The following DCC variants were observed in gnomAD, a reference collection of about 807,000 sequenced individuals.
DCC encodes the protein DCC netrin 1 receptor.
A neutral mutation model predicts 172.5 loss-of-function variants in DCC; 58 were observed. The ratio of observed to expected loss-of-function variants is 0.34; its 90% CI spans 0.27 to 0.42. DCC has a LOEUF of 0.42. DCC is among the 10% of genes least tolerant of loss of function. DCC has a pLI of 1.00. For missense variants in DCC, 1,740 were observed against 1,791.0 expected, an observed-to-expected ratio of 0.97 and a Z score of 0.51; for synonymous variants, 709 against 644.5, an observed-to-expected ratio of 1.10 and a Z score of -1.52.
intron 15 of DCC, among the ~76,000 whole-genome samples, chr18:53,382,203 T>G (rs1223204187): frequency 6.6e-6 from 1 of 151,930 alleles, no homozygotes; most frequent in Non-Finnish European, 1.5e-5. Context: ...GTATTCAAAT[T>G]GCGAATGGAA....
chr18:53,041,652 A>AATG (rs2042170558), intron 5 of DCC, among the ~76,000 whole-genome samples: 1 of 151,988 alleles, frequency 6.6e-6, no homozygotes, highest in Non-Finnish European at 1.5e-5. Context: ...ATGAGCATGG[A>AATG]CTATTTTTCC....
At chr18:53,130,953 G>A (rs1052601288) in intron 7 of DCC, among the ~76,000 whole-genome samples, 8 of 152,146 alleles carry the variant, frequency 5.3e-5, no homozygotes, top group South Asian at 2.1e-4. Flanking sequence ...GCTTGAGGGC[G>A]ATCGAATTAG....
intron 10 of DCC, among the ~76,000 whole-genome samples, chr18:53,206,398 CATAT>C: frequency 1.4e-5 from 1 of 69,782 alleles, no homozygotes; most frequent in Non-Finnish European, 2.9e-5. Flanking sequence ...TGTATATATA[CATAT>C]ATGTATTGTA....
chr18:52,617,724 G>T (rs2034409926), intron 1 of DCC, among the ~76,000 whole-genome samples: 1 of 151,652 alleles, frequency 6.6e-6, no homozygotes, highest in African/African-American at 2.4e-5. Flanking sequence ...TATCACTACT[G>T]AAAAATATGA....
At chr18:52,744,474 T>C (rs977930189) in intron 1 of DCC, among the ~76,000 whole-genome samples, 1 of 152,244 alleles carries the variant, frequency 6.6e-6, no homozygotes, top group Non-Finnish European at 1.5e-5. Context: ...CATTTCTGAT[T>C]TGCATTTTTT....
intron 2 of DCC, among the ~76,000 whole-genome samples, chr18:52,814,894 T>TG (rs1410893657): frequency 6.6e-6 from 1 of 152,108 alleles, no homozygotes; most frequent in African/African-American, 2.4e-5. Context: ...ATTAGGACCC[T>TG]GGAATGAGGT....
At chr18:52,712,131 T>C (rs1413661491) in intron 1 of DCC, among the ~76,000 whole-genome samples, 1 of 152,116 alleles carries the variant, frequency 6.6e-6, no homozygotes, top group African/African-American at 2.4e-5. Flanking sequence ...CAGCTAATTA[T>C]TGTATTTTTA....
chr18:53,128,852 CACACACACACACACACACAT>C (rs1189336564), intron 7 of DCC, among the ~76,000 whole-genome samples: 1 of 71,034 alleles, frequency 1.4e-5, no homozygotes, highest in African/African-American at 5.4e-5. Context: ...CACACACACA[CACACACACACACACACACAT>C]ATATATATAT....
At chr18:53,322,023 C>G in intron 13 of DCC, 24 bp from the exon 14 acceptor site, 1 of 1,324,362 alleles carries the variant, frequency 7.6e-7, no homozygotes, top group African/African-American at 1.4e-5. Flanking sequence ...ACTTTCTTCC[C>G]CCCTGTGGAA....
At chr18:52,568,153 T>A (rs2033206075) in intron 1 of DCC, among the ~76,000 whole-genome samples, 1 of 152,174 alleles carries the variant, frequency 6.6e-6, no homozygotes, top group Admixed American at 6.6e-5. Flanking sequence ...TGAGTTTATA[T>A]TTGAAAATAA....
chr18:53,247,251 C>T (rs920779464), intron 12 of DCC, among the ~76,000 whole-genome samples: 4 of 151,906 alleles, frequency 2.6e-5, no homozygotes, highest in Middle Eastern at 3.2e-3. Flanking sequence ...GGCCAAAATA[C>T]GGTGAGATTC....
In DCC at chr18:52,835,801, G is replaced by A. The variant is rs148769158; in HGVS notation, c.413-70243G>A. ...TTATTGACAAAAACTTCTTTGATACGCATTTTATTTTTAAAAAATCTTTTC... is the reference window on the plus strand; with the variant it reads ...TTATTGACAAAAACTTCTTTGATACACATTTTATTTTTAAAAAATCTTTTC... On this transcript the variant is annotated intron_variant, in intron 2 of 28. Coordinates refer to ENST00000442544, the MANE Select transcript of DCC (RefSeq NM_005215.4). 5.7e-4 allele frequency among the ~76,000 whole-genome samples: 87 copies of A among 152,070 alleles called. No homozygotes were observed. In the East Asian group the frequency reaches 7.5e-3, roughly 13 times the overall value.
chr18:53,519,303 C>T (rs1232904874), intron 27 of DCC, among the ~76,000 whole-genome samples: 2 of 152,046 alleles, frequency 1.3e-5, no homozygotes, highest in Non-Finnish European at 2.9e-5. Context: ...TTTATTTGAG[C>T]ACTCATTAAA....
At chr18:52,850,403 G>C (rs1439704009) in intron 2 of DCC, among the ~76,000 whole-genome samples, 1 of 152,076 alleles carries the variant, frequency 6.6e-6, no homozygotes, top group African/African-American at 2.4e-5. Flanking sequence ...TTTTTAACTG[G>C]TGTATTACAG....
At chr18:53,214,585 C>T (rs186312372) in intron 11 of DCC, among the ~76,000 whole-genome samples, 10 of 152,166 alleles carry the variant, frequency 6.6e-5, no homozygotes, top group Admixed American at 5.9e-4. Flanking sequence ...TTGAAAATGC[C>T]TGAGAACTTT....
chr18:53,021,425 A>T (rs1017139249), intron 5 of DCC, among the ~76,000 whole-genome samples: 1 of 152,198 alleles, frequency 6.6e-6, no homozygotes, highest in Non-Finnish European at 1.5e-5. Context: ...GTGTTCTATT[A>T]TGAGTCTGGC....
intron 1 of DCC, among the ~76,000 whole-genome samples, chr18:52,398,282 A>G (rs1474381696): frequency 6.6e-6 from 1 of 151,976 alleles, no homozygotes; most frequent in African/African-American, 2.4e-5. Context: ...TCATTCAGAT[A>G]TCTTAGAGCC....
At chr18:52,497,991 C>T (rs1188806553) in intron 1 of DCC, among the ~76,000 whole-genome samples, 1 of 152,142 alleles carries the variant, frequency 6.6e-6, no homozygotes, top group Non-Finnish European at 1.5e-5. Flanking sequence ...CTTGCAATTA[C>T]TCAGCTTTAT....
intron 1 of DCC, among the ~76,000 whole-genome samples, chr18:52,355,567 G>A (rs944304322): frequency 1.3e-5 from 2 of 152,064 alleles, no homozygotes; most frequent in Non-Finnish European, 2.9e-5. Flanking sequence ...GCACTAAACT[G>A]TTTCTATTTT....
Sources: allele counts gnomAD v4.1 joint callset (sites outside exome capture counted in the v4.1 genomes callset), GRCh38; gene constraint gnomAD v4.1.1; transcripts MANE v1.5; gene names NCBI Gene and HGNC (gene_info 2026-07-23, HGNC 2026-07-21).